The following MSRA variants were observed in gnomAD, a reference collection of about 807,000 sequenced individuals.
The protein encoded by MSRA is mitochondrial peptide methionine sulfoxide reductase.
MSRA carries 54 observed loss-of-function variants against 31.3 expected under a neutral mutation model. The observed-to-expected ratio is 1.73, with a 90% CI of 1.39 to 2.17. The LOEUF is 2.17. Ranked by LOEUF, MSRA falls within the 30% of genes most tolerant of loss-of-function variation. MSRA has a pLI of 0.00. For missense variants in MSRA, 507 were observed against 300.9 expected (o/e 1.69, Z -5.07); for synonymous variants, 169 against 116.5 (o/e 1.45, Z -2.90).
At chr8:10,288,441 A>G (rs929910026) in intron 3 of MSRA, among the ~76,000 whole-genome samples, 4 of 152,206 alleles carry the variant, frequency 2.6e-5, no homozygotes, top group Non-Finnish European at 5.9e-5. Context: ...TATTCTAAAG[A>G]GTTCCTATTT....
chr8:10,054,769 G>A, intron 1 of MSRA, 111 bp downstream of exon 1: 1 of 1,234,384 alleles, frequency 8.1e-7, no homozygotes, highest in Non-Finnish European at 1.0e-6. Flanking sequence ...GCCTCGGGCG[G>A]GTCGCGGGGT....
At chr8:10,056,082 C>G (rs1435423553) in intron 1 of MSRA, among the ~76,000 whole-genome samples, 1 of 150,468 alleles carries the variant, frequency 6.6e-6, no homozygotes, top group Non-Finnish European at 1.5e-5. Flanking sequence ...CTTTTACAGG[C>G]AGGAATTTAT....
chr8:10,233,887 A>G (rs1287915466), intron 2 of MSRA, among the ~76,000 whole-genome samples: 2 of 152,192 alleles, frequency 1.3e-5, no homozygotes, highest in Non-Finnish European at 2.9e-5. Flanking sequence ...TTTATAATAA[A>G]CCCCAGAATA....
At chr8:10,338,781 A>G (rs1585517657) in intron 5 of MSRA, among the ~76,000 whole-genome samples, 1 of 152,186 alleles carries the variant, frequency 6.6e-6, no homozygotes, top group East Asian at 1.9e-4. Context: ...TGCTTTGGTG[A>G]TTCATACAAC....
intron 2 of MSRA, 77 bp from the exon 3 acceptor site, chr8:10,245,027 C>G (rs1797541163): frequency 3.8e-6 from 5 of 1,314,420 alleles, no homozygotes; most frequent in South Asian, 3.7e-5. Context: ...CTTCATGTAA[C>G]AGGTGTATGT....
chr8:10,331,033 T>G (rs962990514), intron 5 of MSRA, among the ~76,000 whole-genome samples: 4 of 152,202 alleles, frequency 2.6e-5, no homozygotes, highest in African/African-American at 9.7e-5. Context: ...TCTTGAGCAC[T>G]CTATTGCTGT....
chr8:10,151,604 C>G (rs1035671399), intron 1 of MSRA, among the ~76,000 whole-genome samples: 3 of 151,306 alleles, frequency 2.0e-5, no homozygotes, highest in Non-Finnish European at 2.9e-5. Context: ...GAGCCCAGAT[C>G]GCGCCACTGC....
At chr8:10,070,050 A>G (rs1168782174) in intron 1 of MSRA, among the ~76,000 whole-genome samples, 1 of 152,218 alleles carries the variant, frequency 6.6e-6, no homozygotes, top group African/African-American at 2.4e-5. Context: ...AATTGGTGCC[A>G]GGTTATGTAA....
intron 5 of MSRA, among the ~76,000 whole-genome samples, chr8:10,368,924 C>G (rs1347748367): frequency 6.6e-6 from 1 of 152,144 alleles, no homozygotes; most frequent in African/African-American, 2.4e-5. Context: ...TACTGATCTC[C>G]AAGAGCTTAG....
At chr8:10,259,906 T>C (rs1798383151) in intron 3 of MSRA, among the ~76,000 whole-genome samples, 1 of 152,218 alleles carries the variant, frequency 6.6e-6, no homozygotes, top group African/African-American at 2.4e-5. Context: ...ACCCCCTCTG[T>C]AGGCTCTCCC....
intron 5 of MSRA, among the ~76,000 whole-genome samples, chr8:10,396,703 G>C (rs1051209789): frequency 6.6e-6 from 1 of 152,166 alleles, no homozygotes; most frequent in African/African-American, 2.4e-5. Flanking sequence ...CCTTAGAAAT[G>C]TTTCCACTTC....
rs569111226 is a variant in MSRA at position 10,178,556 on chromosome 8, C to T, written c.143-29277C>T. ...AACTACCACAGAGTTATAAGTGCAG[C>T]GATGAAGATATAATAGACATATTTT... On this transcript the variant is annotated intron_variant, in intron 1 of 5. Transcript: ENST00000317173. Among the ~76,000 whole-genome samples, 9 of 152,250 alleles carry T rather than the reference C, an allele frequency of 5.9e-5. No homozygotes were observed. The East Asian group carries it at 1.4e-3, about 23-fold the overall frequency.
intron 5 of MSRA, among the ~76,000 whole-genome samples, chr8:10,366,732 C>A (rs991056858): frequency 5.3e-5 from 8 of 152,150 alleles, no homozygotes; most frequent in African/African-American, 1.9e-4. Context: ...TCCTCGTGGT[C>A]GGCGGCTGTC....
intron 5 of MSRA, among the ~76,000 whole-genome samples, chr8:10,342,783 C>T (rs545848869): frequency 5.3e-4 from 81 of 152,358 alleles, no homozygotes; most frequent in African/African-American, 1.9e-3. Flanking sequence ...AGCTTCTGCC[C>T]AGTGGGCTTG....
At chr8:10,163,885 G>A (rs927809911) in intron 1 of MSRA, among the ~76,000 whole-genome samples, 3 of 152,182 alleles carry the variant, frequency 2.0e-5, no homozygotes, top group Non-Finnish European at 4.4e-5. Flanking sequence ...CGGCATTGTC[G>A]GCTGTTGCTG....
chr8:10,283,365 G>T (rs10102621), intron 3 of MSRA, among the ~76,000 whole-genome samples: 1 of 151,924 alleles, frequency 6.6e-6, no homozygotes, highest in Non-Finnish European at 1.5e-5. Flanking sequence ...CTATCCAGCA[G>T]CTAAAGCTGC....
chr8:10,187,436 A>G (rs979888216), intron 1 of MSRA, among the ~76,000 whole-genome samples: 1 of 152,212 alleles, frequency 6.6e-6, no homozygotes, highest in Non-Finnish European at 1.5e-5. Context: ...CTTCTGCCGC[A>G]TGTTGTATGT....
intron 4 of MSRA, among the ~76,000 whole-genome samples, chr8:10,318,351 G>A (rs904199910): frequency 6.6e-6 from 1 of 152,140 alleles, no homozygotes; most frequent in Non-Finnish European, 1.5e-5. Context: ...GCACAGGGAA[G>A]TACAGTGTCA....
intron 5 of MSRA, chr8:10,411,504 A>T (rs2129188942): frequency 6.6e-6 from 1 of 152,188 alleles, no homozygotes; most frequent in Admixed American, 6.5e-5. Context: ...AATAATAAAA[A>T]AAAAAAACCC....
Sources: gnomAD v4.1 joint callset for allele counts (sites outside exome capture counted in the v4.1 genomes callset) on GRCh38, gnomAD v4.1.1 for gene constraint, MANE v1.5 for transcripts, NCBI Gene and HGNC (gene_info 2026-07-23, HGNC 2026-07-21) for gene names.